The following PIGK variants were observed in gnomAD, a reference collection of about 807,000 sequenced individuals.
PIGK encodes the protein phosphatidylinositol glycan anchor biosynthesis class K.
PIGK carries 42 observed loss-of-function variants against 50.6 expected under a neutral mutation model. The observed-to-expected ratio is 0.83, with a 90% CI of 0.65 to 1.07. The LOEUF is 1.07. PIGK is among the 50% of genes least tolerant of loss of function. The pLI is 0.00. For missense variants in PIGK, 448 were observed against 488.7 expected (o/e 0.92, Z 0.78); for synonymous variants, 151 against 156.0 (o/e 0.97, Z 0.24).
intron 3 of PIGK, among the ~76,000 whole-genome samples, chr1:77,189,259 T>C (rs1442593237): frequency 2.0e-5 from 3 of 152,208 alleles, no homozygotes; most frequent in Non-Finnish European, 4.4e-5. Flanking sequence ...TTATTGTCTT[T>C]ATTTGAAGAT....
At chr1:77,117,792 T>C (rs1433605142) in intron 10 of PIGK, among the ~76,000 whole-genome samples, 3 of 152,242 alleles carry the variant, frequency 2.0e-5, no homozygotes, top group African/African-American at 7.2e-5. Flanking sequence ...TTTATGTCTT[T>C]GTTTTCATTT....
intron 9 of PIGK, among the ~76,000 whole-genome samples, chr1:77,136,415 G>C (rs1384740659): frequency 1.3e-5 from 2 of 150,556 alleles, no homozygotes; most frequent in Non-Finnish European, 3.0e-5. Context: ...TGTAGTCCCA[G>C]CTACTTGGGA....
chr1:77,169,457 T>A (rs1655307679), intron 3 of PIGK, 62 bp from the exon 4 acceptor site: 1 of 1,341,380 alleles, frequency 7.5e-7, no homozygotes, highest in African/African-American at 1.5e-5. Flanking sequence ...AAACACAAAT[T>A]TATTTATATC....
intron 9 of PIGK, among the ~76,000 whole-genome samples, chr1:77,133,327 T>C (rs2100537106): frequency 6.6e-6 from 1 of 152,298 alleles, no homozygotes; most frequent in South Asian, 2.1e-4. Context: ...TTTTCAATAT[T>C]AGAATGTTCA....
intron 10 of PIGK, among the ~76,000 whole-genome samples, chr1:77,115,546 A>T: frequency 6.6e-6 from 1 of 152,156 alleles, no homozygotes; most frequent in East Asian, 1.9e-4. Context: ...AGTCCTGCAC[A>T]ATGAAAGAAC....
chr1:77,160,949 G>GA (rs1464459191), intron 8 of PIGK, among the ~76,000 whole-genome samples: 3 of 151,610 alleles, frequency 2.0e-5, no homozygotes, highest in East Asian at 3.9e-4. Context: ...TGGAGGCTCT[G>GA]AAAAAAAACA....
At chr1:77,212,628 CA>C (rs1656446574) in intron 1 of PIGK, among the ~76,000 whole-genome samples, 1 of 152,040 alleles carries the variant, frequency 6.6e-6, no homozygotes, top group Non-Finnish European at 1.5e-5. Context: ...ACATTCCACA[CA>C]AATGGAAAAC....
intron 2 of PIGK, among the ~76,000 whole-genome samples, chr1:77,207,928 T>C (rs1355779877): frequency 1.3e-5 from 2 of 152,108 alleles, no homozygotes; most frequent in East Asian, 1.9e-4. Context: ...ATCAAAAATA[T>C]CATAAAATTC....
intron 8 of PIGK, among the ~76,000 whole-genome samples, chr1:77,160,471 T>C (rs528203772): frequency 6.6e-6 from 1 of 152,216 alleles, no homozygotes; most frequent in Non-Finnish European, 1.5e-5. Context: ...GACAGAGCCC[T>C]GTCTACTCAG....
At position 77,163,883 on chromosome 1, in the gene PIGK, G is replaced by A; in HGVS notation, c.547C>T (p.Leu183Phe). The A allele has an allele frequency of 3.1e-6, 5 of 1,609,308 alleles. No homozygotes were observed. Among genetic ancestry groups the A allele is most frequent in the Non-Finnish European group, 4.2e-6 (5 of 1,177,276 alleles). Residue 183 changes from leucine (L) to phenylalanine (F), a missense_variant, in exon 6 of 11, where the codon CTC (leucine) becomes TTC (phenylalanine). By Grantham distance (22) the Leu-to-Phe change is conservative. Transcript: ENST00000370812. ...QDSEEITNIE[L>F]ADAFEQMWQK... ...CACATTTGTTCAAAAGCATCCGCGA[G>A]TTCTATGTTGGTAATTTCTTCAGAA...
At chr1:77,127,504 GCCTGGGTTACATAGTGAGACCC>G (rs1000401561) in intron 9 of PIGK, among the ~76,000 whole-genome samples, 1 of 152,114 alleles carries the variant, frequency 6.6e-6, no homozygotes, top group African/African-American at 2.4e-5. Context: ...TTAGATACCA[GCCTGGGTTACATAGTGAGACCC>G]CATCACAAAT....
intron 9 of PIGK, among the ~76,000 whole-genome samples, chr1:77,135,376 C>G (rs938536923): frequency 2.6e-5 from 4 of 151,844 alleles, no homozygotes; most frequent in African/African-American, 9.7e-5. Context: ...GTTATATACT[C>G]TATGTACTAT....
chr1:77,195,487 T>A, intron 3 of PIGK: 2 of 743,122 alleles, frequency 2.7e-6, no homozygotes, highest in Non-Finnish European at 2.1e-6. Flanking sequence ...AAAGAATGAC[T>A]ATTAAAATGG....
intron 9 of PIGK, among the ~76,000 whole-genome samples, chr1:77,151,791 G>A (rs1275809031): frequency 6.6e-6 from 1 of 152,024 alleles, no homozygotes; most frequent in African/African-American, 2.4e-5. Context: ...TTACCAAAGT[G>A]AAAGATCTCT....
Position 77,111,613 on chromosome 1 carries a change from G to A in PIGK, c.1071+10662C>T, listed in dbSNP as rs140606135. Among the ~76,000 whole-genome samples, 247 of 149,274 alleles carry A rather than the reference G, an allele frequency of 1.7e-3. 1 individual carries two copies. Among genetic ancestry groups the A allele is most frequent in the African/African-American group, 5.7e-3 (231 of 40,462 alleles). On this transcript the variant is annotated intron_variant, in intron 10 of 10. Transcript: ENST00000370812. ...CACACACTGGGGCCTGTTGTGGGGT[G>A]GAGGGAGGGGGGAGGGTTAGCATTA...
At chr1:77,112,752 A>G (rs992944067) in intron 10 of PIGK, among the ~76,000 whole-genome samples, 12 of 152,204 alleles carry the variant, frequency 7.9e-5, no homozygotes, top group Non-Finnish European at 1.5e-4. Flanking sequence ...AGCAGGTACA[A>G]ATATACAGCT....
chr1:77,171,207 C>G (rs188957486), intron 3 of PIGK, among the ~76,000 whole-genome samples: 7 of 151,744 alleles, frequency 4.6e-5, no homozygotes, highest in Admixed American at 4.6e-4. Context: ...GAGGCTGAGG[C>G]GGGCGGATCA....
At chr1:77,164,016 T>G in intron 5 of PIGK, 74 bp from the exon 6 acceptor site, 3 of 738,074 alleles carry the variant, frequency 4.1e-6, no homozygotes, top group Non-Finnish European at 6.8e-6. Context: ...TACATTTACT[T>G]CATTCATTAC....
chr1:77,201,730 G>A (rs1287269432), intron 3 of PIGK, among the ~76,000 whole-genome samples: 1 of 151,776 alleles, frequency 6.6e-6, no homozygotes, highest in Non-Finnish European at 1.5e-5. Context: ...TACAGAGCAA[G>A]GCTCTGTCTC....
Sources: allele counts gnomAD v4.1 joint callset (sites outside exome capture counted in the v4.1 genomes callset), GRCh38; gene constraint gnomAD v4.1.1; transcripts MANE v1.5; gene names NCBI Gene and HGNC (gene_info 2026-07-23, HGNC 2026-07-21).